The following LAMC1 variants were observed in gnomAD, a reference collection of about 807,000 sequenced individuals.
LAMC1 encodes laminin subunit gamma-1.
A neutral mutation model predicts 173.6 loss-of-function variants in LAMC1; 38 were observed. That is an observed-to-expected ratio of 0.22 (90% confidence interval 0.17 to 0.29). LAMC1 has a LOEUF of 0.29. Among genes scored for constraint, LAMC1 ranks in the 10% least tolerant of loss-of-function variants. The pLI is 1.00. For missense variants in LAMC1, 1,824 were observed against 2,051.8 expected (o/e 0.89, Z 2.14); for synonymous variants, 746 against 749.1 (o/e 1.00, Z 0.07).
Position 183,110,619 on chromosome 1 carries a change from G to A in LAMC1, c.986G>A (p.Arg329Lys), listed in dbSNP as rs768224084. 1.2e-6 allele frequency: 2 copies of A among 1,613,992 alleles called. No homozygotes were observed. Among genetic ancestry groups the A allele is most frequent in the South Asian group, 1.1e-5 (1 of 91,056 alleles). Residue 329 changes from arginine (R) to lysine (K), a missense_variant, in exon 4 of 28, where the codon AGG (arginine) becomes AAG (lysine). Coordinates refer to ENST00000258341, the MANE Select transcript of LAMC1 (RefSeq NM_002293.4). The stretch of plus-strand genomic sequence containing the variant: ...CCTTTCTTCAATGACCGGCCGTGGA[G>A]GAGGGCAACTGCGGAAAGTGCCAGT... ...CLPFFNDRPW[R>K]RATAESASEC...
intron 13 of LAMC1, among the ~76,000 whole-genome samples, chr1:183,123,297 T>A (rs921702675): frequency 6.6e-6 from 1 of 152,204 alleles, no homozygotes; most frequent in Non-Finnish European, 1.5e-5. Flanking sequence ...AAACCTCTGT[T>A]ATCTCTCACC....
chr1:183,139,653 G>T (rs1454726553), intron 26 of LAMC1, among the ~76,000 whole-genome samples: 1 of 152,086 alleles, frequency 6.6e-6, no homozygotes, highest in Non-Finnish European at 1.5e-5. Context: ...CAATTATGTG[G>T]TAAGAGGCTC....
chr1:183,065,275 G>A (rs1446182687), intron 1 of LAMC1, among the ~76,000 whole-genome samples: 1 of 151,932 alleles, frequency 6.6e-6, no homozygotes, highest in Non-Finnish European at 1.5e-5. Context: ...TATGTATAGC[G>A]AGGGAGACAG....
chr1:183,094,757 T>C (rs561469934), intron 1 of LAMC1, among the ~76,000 whole-genome samples: 6 of 152,322 alleles, frequency 3.9e-5, no homozygotes, highest in African/African-American at 1.2e-4. Context: ...ATGTAAACAG[T>C]ACATGATCAG....
chr1:183,053,021 C>A (rs991815137), intron 1 of LAMC1, among the ~76,000 whole-genome samples: 5 of 152,184 alleles, frequency 3.3e-5, no homozygotes, highest in African/African-American at 1.2e-4. Flanking sequence ...TTACTCTGTT[C>A]TTCCTAGTGT....
chr1:183,142,503 G>C, intron 27 of LAMC1, 31 bp from the exon 28 acceptor site: 1 of 1,577,660 alleles, frequency 6.3e-7, no homozygotes, highest in Admixed American at 1.8e-5. Context: ...GAATATGTCT[G>C]TTCTCTTCTA....
At chr1:183,107,773 T>C (rs1656023034) in intron 2 of LAMC1, among the ~76,000 whole-genome samples, 1 of 151,718 alleles carries the variant, frequency 6.6e-6, no homozygotes, top group Non-Finnish European at 1.5e-5. Flanking sequence ...GAGCTTGCAG[T>C]GAGCTGAGAT....
intron 1 of LAMC1, among the ~76,000 whole-genome samples, chr1:183,036,343 C>G (rs1013350879): frequency 1.3e-5 from 2 of 149,940 alleles, no homozygotes; most frequent in African/African-American, 4.9e-5. Flanking sequence ...GGTGAGCCAT[C>G]TGCCTTGGCC....
rs559389520 is a variant in LAMC1, at chr1:183,046,331, T to G, written c.418+22197T>G. Among the ~76,000 whole-genome samples the G allele has an allele frequency of 2.0e-5, 3 of 152,208 alleles. No homozygotes were observed. In the South Asian group the frequency reaches 6.2e-4, roughly 32 times the overall value. On this transcript the variant is annotated intron_variant, in intron 1 of 27. Transcript: ENST00000258341. ...CTATGTTTAGGCCTGTGCTTATCCATGTAAAATTTAGAATCAGGTTGTCAA... is the reference window on the plus strand; with the variant it reads ...CTATGTTTAGGCCTGTGCTTATCCAGGTAAAATTTAGAATCAGGTTGTCAA...
chr1:183,031,146 A>G (rs1653838324), intron 1 of LAMC1, among the ~76,000 whole-genome samples: 1 of 152,208 alleles, frequency 6.6e-6, no homozygotes, highest in Non-Finnish European at 1.5e-5. Context: ...CATCATGAGT[A>G]GATTTAGAAG....
rs2296300 is a variant in LAMC1 at position 183,130,566 on chromosome 1, G to A, written c.3486+17G>A. Reference sequence around the variant, plus strand: ...GCCAATGTGGTAAGTGATTGCAAACGTCTGAGGTGGGGATGGGGGAGGCCC... The same window carrying A: ...GCCAATGTGGTAAGTGATTGCAAACATCTGAGGTGGGGATGGGGGAGGCCC... On this transcript the variant is annotated intron_variant, in intron 19 of 27. Transcript: ENST00000258341. The A allele has an allele frequency of 0.57, 911,524 of 1,608,718 alleles. 261,672 individuals are homozygous for A. The highest frequency in any genetic ancestry group is 0.66 in the Admixed American group (39,609 of 59,888).
rs762366136 is a variant in LAMC1, at chr1:183,135,172, A to G, written c.4114+16A>G. The G allele has an allele frequency of 1.3e-6, 2 of 1,515,150 alleles. No homozygotes were observed. The highest frequency in any genetic ancestry group is 1.7e-5 in the Admixed American group (1 of 59,264). The allele number at this position is 1,515,150 out of a possible 1,614,324, so 93.9% of individuals were successfully genotyped here. A position where few individuals can be genotyped will look rare whatever the true frequency, so the allele number is the denominator to read the frequency against. The stretch of plus-strand genomic sequence containing the variant: ...AACCTGAAAGGTAGAAAAGGCTGAG[A>G]TAACAGGGGCAAATGCTTCCGCCAC... On this transcript the variant is annotated intron_variant, in intron 24 of 27. Transcript: ENST00000258341.
At chr1:183,059,869 C>T (rs1321597288) in intron 1 of LAMC1, among the ~76,000 whole-genome samples, 1 of 152,132 alleles carries the variant, frequency 6.6e-6, no homozygotes, top group Non-Finnish European at 1.5e-5. Context: ...AATTTAATTT[C>T]TCTGACTGTA....
intron 5 of LAMC1, 151 bp from the exon 6 acceptor site, chr1:183,115,369 A>G (rs1348219710): frequency 1.2e-5 from 7 of 604,218 alleles, no homozygotes; most frequent in Middle Eastern, 7.5e-4. Context: ...CTGATTTAAA[A>G]TTTGGTTTTT....
chr1:183,111,803 T>C (rs1656164025), intron 4 of LAMC1, among the ~76,000 whole-genome samples: 1 of 152,110 alleles, frequency 6.6e-6, no homozygotes, highest in Admixed American at 6.5e-5. Flanking sequence ...GGGAGGCCTA[T>C]GGGGTTGGAT....
At chr1:183,130,625 G>C in intron 19 of LAMC1, 76 bp downstream of exon 19, 1 of 1,161,470 alleles carries the variant, frequency 8.6e-7, no homozygotes, top group South Asian at 1.3e-5. Context: ...ACTGGCAGTG[G>C]AGTGCTTCTT....
intron 1 of LAMC1, among the ~76,000 whole-genome samples, chr1:183,041,591 C>T (rs1654134434): frequency 6.6e-6 from 1 of 152,148 alleles, no homozygotes; most frequent in African/African-American, 2.4e-5. Context: ...TCATCAAAGA[C>T]AAGACGAATC....
intron 1 of LAMC1, among the ~76,000 whole-genome samples, chr1:183,094,846 T>A (rs1655652251): frequency 6.6e-6 from 1 of 151,946 alleles, no homozygotes; most frequent in Non-Finnish European, 1.5e-5. Flanking sequence ...TTGGAGGGGT[T>A]TTTTTGTTTT....
intron 1 of LAMC1, among the ~76,000 whole-genome samples, chr1:183,066,515 T>C (rs1571418372): frequency 6.6e-6 from 1 of 152,374 alleles, no homozygotes; most frequent in East Asian, 1.9e-4. Flanking sequence ...CATACGTTTA[T>C]TGCAGCACTG....
Sources: gnomAD v4.1 joint callset for allele counts (sites outside exome capture counted in the v4.1 genomes callset) on GRCh38, gnomAD v4.1.1 for gene constraint, MANE v1.5 for transcripts, NCBI Gene and HGNC (gene_info 2026-07-23, HGNC 2026-07-21) for gene names.